The following PLXNC1 variants were observed in gnomAD, a reference collection of about 807,000 sequenced individuals.
PLXNC1 encodes plexin C1.
PLXNC1 carries 75 observed loss-of-function variants against 178.2 expected under a neutral mutation model. The ratio of observed to expected loss-of-function variants is 0.42; its 90% confidence interval spans 0.35 to 0.51. PLXNC1 has a LOEUF of 0.51. PLXNC1 is among the 20% of genes least tolerant of loss of function. PLXNC1 has a pLI of 0.02. For missense variants in PLXNC1, 1,503 were observed against 1,984.4 expected, an observed-to-expected ratio of 0.76 and a Z score of 4.61; for synonymous variants, 790 against 779.9, an observed-to-expected ratio of 1.01 and a Z score of -0.22.
chr12:94,260,938 G>A lies in PLXNC1; in HGVS notation c.3450+98G>A, dbSNP rs528963989. On this transcript the variant is annotated intron_variant, in intron 20 of 30. Coordinates refer to ENST00000258526, the MANE Select transcript of PLXNC1 (RefSeq NM_005761.3). This position sits in a 1 kb window ranked among gnomAD's most constrained non-coding sequence, Gnocchi z 4.4. ...TTGCCAGGATAAATCCTGAATGCTC[G>A]ATGGTGTCAGCACTTAACCATGTTT... 1.3e-5 allele frequency: 13 copies of A among 979,576 alleles called. No individual in the cohort carries two copies. The highest frequency in any genetic ancestry group is 3.2e-5 in the African/African-American group (2 of 62,202). 60.7% of individuals were successfully genotyped at this position (979,576 alleles called of 1,614,324 possible). A position where few individuals can be genotyped will look rare whatever the true frequency, so the allele number is the denominator to read the frequency against.
At chr12:94,281,353 G>C (rs1471336427) in intron 22 of PLXNC1, among the ~76,000 whole-genome samples, 2 of 152,134 alleles carry the variant, frequency 1.3e-5, no homozygotes, top group East Asian at 3.9e-4. Flanking sequence ...TCTTACAGCA[G>C]AGACTCAAAA....
intron 3 of PLXNC1, among the ~76,000 whole-genome samples, chr12:94,184,237 C>A (rs1468284287): frequency 6.6e-6 from 1 of 151,720 alleles, no homozygotes; most frequent in Non-Finnish European, 1.5e-5. Context: ...CCTGTCTCAG[C>A]CTCCCTAGTA....
At chr12:94,150,136 A>T in intron 1 of PLXNC1, 103 bp downstream of exon 1, 1 of 979,646 alleles carries the variant, frequency 1.0e-6, no homozygotes, top group Non-Finnish European at 1.5e-6. Flanking sequence ...GCGGGGGTAC[A>T]GCCGGGTGAC....
chr12:94,206,490 ATT>A lies in PLXNC1; in HGVS notation c.1440-3088_1440-3087del, dbSNP rs35705217. On this transcript the variant is annotated intron_variant, in intron 4 of 30. Coordinates refer to ENST00000258526, the MANE Select transcript of PLXNC1 (RefSeq NM_005761.3). ...TTAAATTAACTTTTTGGTTTGGGGG[ATT>A]TTTTTTTTTTTCCTTCAGGCAATCT... Among the ~76,000 whole-genome samples, 326 of 144,512 alleles carry A rather than the reference ATT, an allele frequency of 2.3e-3. 2 individuals carry two copies. The South Asian group carries it at 0.039, about 17-fold the overall frequency. 94.8% of individuals were successfully genotyped at this position (144,512 alleles called of 152,430 possible).
At position 94,225,571 on chromosome 12, in the gene PLXNC1, G is replaced by C. The variant is rs377287025; in HGVS notation, c.1791-1034G>C. Among the ~76,000 whole-genome samples, 11 of 152,312 alleles carry C rather than the reference G, an allele frequency of 7.2e-5. No individual in the cohort carries two copies. The East Asian group carries it at 2.1e-3, about 29-fold the overall frequency. On this transcript the variant is annotated intron_variant, in intron 7 of 30. Coordinates refer to ENST00000258526, the MANE Select transcript of PLXNC1 (RefSeq NM_005761.3). ...GGTGTGAATTAAATAGAATTATATA[G>C]CTCAAAGACAGTTGAAAGAACGTAG...
chr12:94,303,834 A>G lies in PLXNC1; in HGVS notation c.4465A>G (p.Ile1489Val). The G allele has an allele frequency of 3.7e-6, 6 of 1,611,980 alleles. 1 individual carries two copies. The South Asian group carries it at 6.6e-5, about 18-fold the overall frequency. Residue 1489 changes from isoleucine (I) to valine (V), a missense_variant, in exon 29 of 31, where the codon ATC becomes GTC. Ile to Val is a conservative substitution (Grantham distance 29, BLOSUM62 3). This residue lies in a region of PLXNC1 where 639 missense variants were observed against 979.7 expected (regional missense o/e 0.65). Coordinates refer to ENST00000258526, the MANE Select transcript of PLXNC1 (RefSeq NM_005761.3). ...KEEVKSYYKA[I>V]RDLPPLSSSE... ...AGAAGTAAAATCTTATTACAAAGCA[A>G]TCAGGGATTTGCCTCCATTGTCATC...
chr12:94,228,460 G>A (rs900804171), intron 9 of PLXNC1, among the ~76,000 whole-genome samples: 1 of 152,140 alleles, frequency 6.6e-6, no homozygotes, highest in Non-Finnish European at 1.5e-5. Context: ...GCTTTTAAGT[G>A]TACAGTTAGT....
chr12:94,151,208 C>G (rs1960949883), intron 1 of PLXNC1, among the ~76,000 whole-genome samples: 2 of 152,110 alleles, frequency 1.3e-5, no homozygotes, highest in African/African-American at 4.8e-5. Flanking sequence ...TGTGTTGATA[C>G]AGGGGCACGT....
intron 6 of PLXNC1, among the ~76,000 whole-genome samples, chr12:94,222,238 C>T (rs1010216531): frequency 2.4e-4 from 36 of 152,290 alleles, no homozygotes; most frequent in African/African-American, 7.7e-4. Flanking sequence ...GCTTTTAGCG[C>T]CTCCATCCGT....
intron 2 of PLXNC1, among the ~76,000 whole-genome samples, chr12:94,177,051 ATATG>A (rs1461734406): frequency 9.0e-5 from 10 of 111,528 alleles, no homozygotes; most frequent in South Asian, 4.9e-4. Flanking sequence ...CATTTCATAT[ATATG>A]TGTGTGTGTG....
intron 5 of PLXNC1, among the ~76,000 whole-genome samples, chr12:94,210,570 C>T (rs1963438522): frequency 6.6e-6 from 1 of 152,186 alleles, no homozygotes; most frequent in Non-Finnish European, 1.5e-5. Context: ...TCTCTTTTCC[C>T]TTACACTTTG....
chr12:94,207,828 T>C (rs1963345177), intron 4 of PLXNC1, among the ~76,000 whole-genome samples: 2 of 152,260 alleles, frequency 1.3e-5, no homozygotes, highest in African/African-American at 4.8e-5. Flanking sequence ...TGAAATATTT[T>C]ACACTTGTTT....
chr12:94,242,680 A>G (rs1186852122), intron 11 of PLXNC1, among the ~76,000 whole-genome samples: 2 of 152,188 alleles, frequency 1.3e-5, no homozygotes, highest in Non-Finnish European at 2.9e-5. Context: ...AGGCTCTAGC[A>G]TGACATCCCC....
At chr12:94,215,842 CAGA>C (rs1272382527) in intron 5 of PLXNC1, among the ~76,000 whole-genome samples, 1 of 151,980 alleles carries the variant, frequency 6.6e-6, no homozygotes, top group Admixed American at 6.6e-5. Flanking sequence ...AGCAAAGTCA[CAGA>C]AGAACCAACA....
chr12:94,292,525 C>T (rs1372847347), intron 23 of PLXNC1, among the ~76,000 whole-genome samples: 3 of 152,122 alleles, frequency 2.0e-5, no homozygotes, highest in East Asian at 3.8e-4. Context: ...GAAAAAATGT[C>T]ACAGGTTGAA....
At chr12:94,264,576 G>C (rs889222554) in intron 20 of PLXNC1, among the ~76,000 whole-genome samples, 3 of 152,214 alleles carry the variant, frequency 2.0e-5, no homozygotes, top group East Asian at 1.9e-4. Context: ...TGCTTCCTTC[G>C]AGAAGTGCTG....
rs138002354 is a variant in PLXNC1, at chr12:94,210,388, G to A, written c.1554+684G>A. 2.2e-4 allele frequency among the ~76,000 whole-genome samples: 34 copies of A among 152,328 alleles called. 1 individual carries two copies. The highest frequency in any genetic ancestry group is 1.9e-3 in the South Asian group (9 of 4,828). On this transcript the variant is annotated intron_variant, in intron 5 of 30. Transcript: ENST00000258526. The stretch of plus-strand genomic sequence containing the variant: ...TACGGAAAAAGGGAATTCCTGCCTT[G>A]CAGTCTCAGTGGTGCTATAAGGAGG...
At chr12:94,227,055 T>TTGTGACTGCC (rs1156664690) in intron 8 of PLXNC1, 94 bp from the exon 9 acceptor site, 1 of 868,102 alleles carries the variant, frequency 1.2e-6, no homozygotes, top group Non-Finnish European at 1.9e-6. Context: ...AAATAAATGT[T>TTGTGACTGCC]TGTGACTGCC....
rs143688084 is a variant in PLXNC1, at chr12:94,257,509, C to T, written c.3088-1828C>T. On this transcript the variant is annotated intron_variant, in intron 17 of 30. Coordinates refer to ENST00000258526, the MANE Select transcript of PLXNC1 (RefSeq NM_005761.3). Reference sequence around the variant, plus strand: ...AGCCACGGGTCCAGGCGCGGTGGCTCAAGCCTGTAATCCCAGCACTTTGGG... The same window carrying T: ...AGCCACGGGTCCAGGCGCGGTGGCTTAAGCCTGTAATCCCAGCACTTTGGG... Among the ~76,000 whole-genome samples the T allele has an allele frequency of 8.4e-3, 1,285 of 152,248 alleles. 13 individuals carry two copies. The highest frequency in any genetic ancestry group is 0.029 in the African/African-American group (1,195 of 41,546).
Sources: allele counts gnomAD v4.1 joint callset (sites outside exome capture counted in the v4.1 genomes callset), GRCh38; gene constraint gnomAD v4.1.1; regional missense constraint gnomAD v4.1.1; non-coding constraint Gnocchi (gnomAD v3.1); transcripts MANE v1.5; gene names NCBI Gene and HGNC (gene_info 2026-07-23, HGNC 2026-07-21).